The following MARCHF1 variants were observed in gnomAD, a reference collection of about 807,000 sequenced individuals.
MARCHF1 encodes the protein membrane associated ring-CH-type finger 1.
Under a neutral mutation model 54.2 loss-of-function variants are expected in MARCHF1, and 40 were observed. The ratio of observed to expected loss-of-function variants is 0.74; its 90% CI spans 0.57 to 0.96. MARCHF1 has a LOEUF of 0.96. Ranked by LOEUF, MARCHF1 falls within the 40% of genes least tolerant of loss-of-function variation. The probability of loss-of-function intolerance (pLI) is 0.00; values close to 1 mark genes in which losing one functional copy is unlikely to be tolerated. For synonymous variants in MARCHF1, 236 were observed against 236.3 expected (o/e 1.00, Z 0.01); for missense variants, 586 against 656.5 (o/e 0.89, Z 1.17).
At chr4:163,967,283 CT>C (rs1283611425) in intron 3 of MARCHF1, among the ~76,000 whole-genome samples, 1 of 152,032 alleles carries the variant, frequency 6.6e-6, no homozygotes, top group African/African-American at 2.4e-5. Context: ...GGTAAGGTCG[CT>C]TCTTGATAGA....
intron 2 of MARCHF1, among the ~76,000 whole-genome samples, chr4:163,992,495 T>C (rs949177973): frequency 2.6e-5 from 4 of 152,028 alleles, no homozygotes; most frequent in African/African-American, 9.7e-5. Flanking sequence ...TAAGGACGAA[T>C]TGAGGCCTCT....
At chr4:164,300,386 C>T (rs61336846) in intron 1 of MARCHF1, among the ~76,000 whole-genome samples, 302 of 152,226 alleles carry the variant, frequency 2.0e-3, no homozygotes, top group African/African-American at 6.6e-3. Context: ...CCTAGGTTTC[C>T]GATCTAGCCA....
intron 2 of MARCHF1, among the ~76,000 whole-genome samples, chr4:164,053,336 G>A (rs1371554055): frequency 6.6e-6 from 1 of 152,050 alleles, no homozygotes; most frequent in Admixed American, 6.6e-5. Context: ...TGTTTCATAT[G>A]TGTCAACCCC....
rs528274626 is a variant in MARCHF1, at chr4:163,660,616, T to C, written c.162+40197A>G. 1.0e-3 allele frequency among the ~76,000 whole-genome samples: 153 copies of C among 152,086 alleles called. 1 individual carries two copies. Among genetic ancestry groups the C allele is most frequent in the Admixed American group, 3.3e-3 (51 of 15,262 alleles). On this transcript the variant is annotated intron_variant, in intron 5 of 9. Transcript: ENST00000514618. ...TTGTTTGACTTTCAAAAAGTTGCGTTAAAGCACATGTAATGAGAAACTGGT... is the reference window on the plus strand; with the variant it reads ...TTGTTTGACTTTCAAAAAGTTGCGTCAAAGCACATGTAATGAGAAACTGGT...
chr4:164,038,898 A>T lies in MARCHF1; in HGVS notation c.-247-50189T>A, dbSNP rs531890576. 2.0e-5 allele frequency among the ~76,000 whole-genome samples: 3 copies of T among 152,240 alleles called. No individual in the cohort carries two copies. In the East Asian group the frequency reaches 5.8e-4, roughly 29 times the overall value. On this transcript the variant is annotated intron_variant, in intron 2 of 9. Coordinates refer to ENST00000514618, the MANE Select transcript of MARCHF1 (RefSeq NM_001394959.1). ...CTTCAGTTATAAGGTTTTAAGTGGAACCCCCTCAATAATTTACATAATTGA... is the reference window on the plus strand; with the variant it reads ...CTTCAGTTATAAGGTTTTAAGTGGATCCCCCTCAATAATTTACATAATTGA...
intron 1 of MARCHF1, among the ~76,000 whole-genome samples, chr4:164,215,312 AC>A (rs1371236015): frequency 6.6e-6 from 1 of 152,088 alleles, no homozygotes; most frequent in Non-Finnish European, 1.5e-5. Context: ...GGCGTCTGTC[AC>A]GTGCTCTTCT....
intron 7 of MARCHF1, among the ~76,000 whole-genome samples, chr4:163,586,980 A>T (rs1394774301): frequency 1.3e-5 from 2 of 152,196 alleles, no homozygotes; most frequent in South Asian, 2.1e-4. Context: ...TGTCTAAAAA[A>T]AATCACAAAA....
At chr4:163,693,433 T>C (rs368365287) in intron 5 of MARCHF1, among the ~76,000 whole-genome samples, 7 of 151,438 alleles carry the variant, frequency 4.6e-5, no homozygotes, top group African/African-American at 1.7e-4. Flanking sequence ...CAGTTCTGAG[T>C]GGGGCCTAGA....
In MARCHF1 at chr4:164,312,145, C is replaced by T. The variant is rs1161508816; in HGVS notation, c.-323+71725G>A. ...AGCTCTCGTATCTTCCAAGAATTCT[C>T]ATGTATTCTCAATCCTCCAGAAACA... On this transcript the variant is annotated intron_variant, in intron 1 of 9. Coordinates refer to ENST00000514618, the MANE Select transcript of MARCHF1 (RefSeq NM_001394959.1). Among the ~76,000 whole-genome samples the T allele has an allele frequency of 3.3e-5, 5 of 152,160 alleles. No homozygotes were observed. The South Asian group carries it at 8.3e-4, about 25-fold the overall frequency.
chr4:163,701,074 T>C (rs1473863399), intron 4 of MARCHF1, among the ~76,000 whole-genome samples: 2 of 152,218 alleles, frequency 1.3e-5, no homozygotes, highest in South Asian at 4.1e-4. Flanking sequence ...TTAAAAATGC[T>C]TCAATTAATA....
chr4:164,280,066 T>G (rs1478047314), intron 1 of MARCHF1, among the ~76,000 whole-genome samples: 2 of 151,912 alleles, frequency 1.3e-5, no homozygotes, highest in Non-Finnish European at 2.9e-5. Flanking sequence ...AAGAGCATAT[T>G]TGATTAACTT....
At chr4:164,007,625 T>A (rs1753322610) in intron 2 of MARCHF1, among the ~76,000 whole-genome samples, 1 of 107,388 alleles carries the variant, frequency 9.3e-6, no homozygotes, top group Non-Finnish European at 1.9e-5. Context: ...ACATGTAGAA[T>A]TTATTTCTCT....
chr4:164,050,408 C>T, intron 2 of MARCHF1, among the ~76,000 whole-genome samples: 1 of 150,292 alleles, frequency 6.7e-6, no homozygotes, highest in African/African-American at 2.4e-5. Context: ...ATATTTCATT[C>T]ACCCTTCTTT....
intron 5 of MARCHF1, among the ~76,000 whole-genome samples, chr4:163,649,419 G>A (rs186505882): frequency 3.2e-4 from 48 of 152,112 alleles, no homozygotes; most frequent in Non-Finnish European, 5.4e-4. Context: ...AGGCTATTGG[G>A]AAAAATAATC....
At chr4:164,062,422 G>T (rs187073217) in intron 2 of MARCHF1, among the ~76,000 whole-genome samples, 4 of 152,054 alleles carry the variant, frequency 2.6e-5, no homozygotes, top group Admixed American at 2.6e-4. Flanking sequence ...CTAGAATGGT[G>T]ACTGCTTTCC....
intron 2 of MARCHF1, among the ~76,000 whole-genome samples, chr4:164,095,414 A>AC (rs1755389489): frequency 1.4e-5 from 2 of 147,346 alleles, no homozygotes; most frequent in South Asian, 2.2e-4. Flanking sequence ...ACACACACAC[A>AC]AACACACACA....
rs376582139 is a variant in MARCHF1, at chr4:164,151,515, T to C, written c.-322-39853A>G. On this transcript the variant is annotated intron_variant, in intron 1 of 9. Transcript: ENST00000514618. Reference sequence around the variant, plus strand: ...TGGAGCAATACTTCCTATGTTGTACTTGTCTCAGACTAAAGAAATTGTGCT... The same window carrying C: ...TGGAGCAATACTTCCTATGTTGTACCTGTCTCAGACTAAAGAAATTGTGCT... 1.4e-4 allele frequency among the ~76,000 whole-genome samples: 21 copies of C among 152,288 alleles called. No homozygotes were observed. In the Middle Eastern group the frequency reaches 0.01, roughly 74 times the overall value.
intron 1 of MARCHF1, among the ~76,000 whole-genome samples, chr4:164,236,333 A>G (rs1732552037): frequency 6.6e-6 from 1 of 152,100 alleles, no homozygotes; most frequent in Non-Finnish European, 1.5e-5. Flanking sequence ...CTTATTTAAA[A>G]TATGCTGCTG....
chr4:163,640,556 A>T (rs1338276574), intron 5 of MARCHF1, among the ~76,000 whole-genome samples: 2 of 152,142 alleles, frequency 1.3e-5, no homozygotes, highest in Middle Eastern at 3.2e-3. Context: ...ACTACTATGG[A>T]CCATAGCCAT....
Sources: gnomAD v4.1 joint callset for allele counts (sites outside exome capture counted in the v4.1 genomes callset) on GRCh38, gnomAD v4.1.1 for gene constraint, MANE v1.5 for transcripts, NCBI Gene and HGNC (gene_info 2026-07-23, HGNC 2026-07-21) for gene names.